The following FNDC3B variants were observed in gnomAD, a reference collection of about 807,000 sequenced individuals.
FNDC3B encodes the protein fibronectin type III domain-containing protein 3B.
A neutral mutation model predicts 151.5 loss-of-function variants in FNDC3B; 12 were observed. The ratio of observed to expected loss-of-function variants is 0.08; its 90% CI spans 0.05 to 0.13. The LOEUF (loss-of-function observed/expected upper bound fraction) is 0.13, where lower values mean the gene tolerates loss of function less well. FNDC3B is among the 10% of genes least tolerant of loss of function. The pLI is 1.00. For synonymous variants in FNDC3B, 528 were observed against 549.0 expected, an observed-to-expected ratio of 0.96 and a Z score of 0.54; for missense variants, 1,214 against 1,505.3, an observed-to-expected ratio of 0.81 and a Z score of 3.20.
intron 2 of FNDC3B, among the ~76,000 whole-genome samples, chr3:172,117,394 T>C (rs539688456): frequency 6.6e-5 from 10 of 152,220 alleles, no homozygotes; most frequent in Non-Finnish European, 1.5e-4. Flanking sequence ...TTAACTTACC[T>C]GTGTTTGTTA....
At chr3:172,303,549 T>G (rs1268313159) in intron 9 of FNDC3B, among the ~76,000 whole-genome samples, 1 of 152,216 alleles carries the variant, frequency 6.6e-6, no homozygotes, top group Admixed American at 6.5e-5. Context: ...GGATTTAAGC[T>G]GAAACAAATG....
chr3:172,147,198 C>G (rs540516784), intron 3 of FNDC3B, among the ~76,000 whole-genome samples: 3 of 151,436 alleles, frequency 2.0e-5, no homozygotes, highest in Non-Finnish European at 4.4e-5. Context: ...CCCAGCTACT[C>G]GGGAGGCTTG....
intron 3 of FNDC3B, among the ~76,000 whole-genome samples, chr3:172,213,266 A>G (rs550754706): frequency 6.6e-6 from 1 of 152,356 alleles, no homozygotes; most frequent in South Asian, 2.1e-4. Flanking sequence ...TTACTCATCT[A>G]AAAGTGAATG....
chr3:172,285,581 C>G (rs1403891149), intron 6 of FNDC3B, among the ~76,000 whole-genome samples: 2 of 152,228 alleles, frequency 1.3e-5, no homozygotes, highest in African/African-American at 2.4e-5. Context: ...TCTTATTACT[C>G]TCAGTTTCCA....
intron 6 of FNDC3B, among the ~76,000 whole-genome samples, chr3:172,270,249 A>G (rs927289119): frequency 6.6e-6 from 1 of 152,240 alleles, no homozygotes; most frequent in Admixed American, 6.5e-5. Flanking sequence ...TGCTGGTCTC[A>G]CTGCTTTAGC....
intron 3 of FNDC3B, among the ~76,000 whole-genome samples, chr3:172,196,578 C>G (rs1724844846): frequency 6.6e-6 from 1 of 152,140 alleles, no homozygotes; most frequent in African/African-American, 2.4e-5. Flanking sequence ...CATCAGTTTT[C>G]TCATCTGTAA....
chr3:172,337,447 T>C, intron 16 of FNDC3B, 46 bp downstream of exon 16: 3 of 1,171,686 alleles, frequency 2.6e-6, no homozygotes, highest in Non-Finnish European at 2.6e-6. Context: ...TAGCAAGCTC[T>C]GTTTTCTAAT....
chr3:172,331,944 A>G (rs189839265), intron 13 of FNDC3B, among the ~76,000 whole-genome samples: 31 of 152,162 alleles, frequency 2.0e-4, no homozygotes, highest in African/African-American at 7.5e-4. Context: ...TGACATATGC[A>G]TGTTGGCCTA....
At chr3:172,281,393 C>G (rs116091017) in intron 6 of FNDC3B, among the ~76,000 whole-genome samples, 5 of 152,010 alleles carry the variant, frequency 3.3e-5, no homozygotes, top group Non-Finnish European at 4.4e-5. Flanking sequence ...TGCAGGTGTG[C>G]GCCACCACGC....
At chr3:172,240,877 A>G (rs1401940778) in intron 4 of FNDC3B, among the ~76,000 whole-genome samples, 1 of 152,158 alleles carries the variant, frequency 6.6e-6, no homozygotes. Context: ...TCATATTTAT[A>G]AGAACACTAG....
intron 8 of FNDC3B, 89 bp downstream of exon 8, chr3:172,295,603 G>A (rs1730563955): frequency 2.3e-6 from 3 of 1,292,452 alleles, no homozygotes; most frequent in Admixed American, 2.3e-5. Flanking sequence ...AAACCTTATA[G>A]GCTTGGCAAA....
intron 11 of FNDC3B, among the ~76,000 whole-genome samples, chr3:172,315,170 A>T (rs772510837): frequency 3.3e-5 from 5 of 152,170 alleles, no homozygotes; most frequent in Non-Finnish European, 5.9e-5. Flanking sequence ...TGAGCTCAGG[A>T]GTTCGAGACC....
At chr3:172,313,928 G>A (rs1731649615) in intron 11 of FNDC3B, among the ~76,000 whole-genome samples, 1 of 149,964 alleles carries the variant, frequency 6.7e-6, no homozygotes, top group South Asian at 2.1e-4. Flanking sequence ...TAGCACTCTT[G>A]AGAGTAGCTC....
intron 25 of FNDC3B, among the ~76,000 whole-genome samples, chr3:172,384,468 C>G (rs368789507): frequency 1.3e-5 from 2 of 152,300 alleles, no homozygotes; most frequent in African/African-American, 4.8e-5. Context: ...TGTTCCATAG[C>G]AATGTGAAAA....
At chr3:172,256,537 C>T (rs1302863156) in intron 6 of FNDC3B, among the ~76,000 whole-genome samples, 2 of 152,314 alleles carry the variant, frequency 1.3e-5, no homozygotes, top group East Asian at 3.9e-4. Flanking sequence ...CATTGCCTTT[C>T]ACTGCAGAAG....
In FNDC3B at chr3:172,397,925, C is replaced by CA. The variant is rs1250016074; in HGVS notation, c.*451dup. The CA allele has an allele frequency of 6.5e-6, 1 of 152,948 alleles. No individual in the cohort carries two copies. The highest frequency in any genetic ancestry group is 1.9e-4 in the East Asian group (1 of 5,202). The allele number at this position is 152,948 out of a possible 1,614,324, so 9.5% of individuals were successfully genotyped here. On this transcript the variant is annotated 3_prime_UTR_variant, in exon 26 of 26. Coordinates refer to ENST00000415807, the MANE Select transcript of FNDC3B (RefSeq NM_022763.4). ...TACAGGGCTAGGATTTCAGTGTTGT[C>CA]AGAGTATTACCACACAGCAACAGCA...
At chr3:172,325,475 C>T (rs1449014505) in intron 11 of FNDC3B, among the ~76,000 whole-genome samples, 1 of 152,212 alleles carries the variant, frequency 6.6e-6, no homozygotes, top group Non-Finnish European at 1.5e-5. Flanking sequence ...TCGTATGAAT[C>T]TTTCAGTCCT....
At chr3:172,230,725 A>AAT (rs1477790173) in intron 4 of FNDC3B, among the ~76,000 whole-genome samples, 5 of 152,248 alleles carry the variant, frequency 3.3e-5, no homozygotes, top group African/African-American at 1.2e-4. Context: ...AAAGATGCTC[A>AAT]ATATCATTAG....
At chr3:172,355,345 A>G (rs1734043388) in intron 22 of FNDC3B, among the ~76,000 whole-genome samples, 2 of 152,046 alleles carry the variant, frequency 1.3e-5, no homozygotes, top group South Asian at 2.1e-4. Flanking sequence ...AGTCCATTCT[A>G]TTTGTGGATA....
Sources: allele counts gnomAD v4.1 joint callset (sites outside exome capture counted in the v4.1 genomes callset), GRCh38; gene constraint gnomAD v4.1.1; transcripts MANE v1.5; gene names NCBI Gene and HGNC (gene_info 2026-07-23, HGNC 2026-07-21).